Variants in TGM5 observed in about 807,000 individuals in gnomAD.
The protein encoded by TGM5 is protein-glutamine gamma-glutamyltransferase 5.
Under a neutral mutation model 77.2 loss-of-function variants are expected in TGM5, and 69 were observed. The observed-to-expected ratio is 0.89, with a 90% CI of 0.74 to 1.09. The LOEUF (loss-of-function observed/expected upper bound fraction) is 1.09. Ranked by LOEUF, TGM5 falls within the 50% of genes least tolerant of loss-of-function variation. The pLI is 0.00. For missense variants in TGM5, 842 were observed against 896.5 expected (o/e 0.94, Z 0.78); for synonymous variants, 346 against 351.8 (o/e 0.98, Z 0.18).
intron 6 of TGM5, among the ~76,000 whole-genome samples, chr15:43,247,160 A>G (rs1168993603): frequency 6.8e-6 from 1 of 147,668 alleles, no homozygotes; most frequent in Non-Finnish European, 1.5e-5. Context: ...CTCTGTCTCA[A>G]AAAAAAAAAA....
intron 9 of TGM5, among the ~76,000 whole-genome samples, chr15:43,238,556 G>A (rs773806270): frequency 7.9e-5 from 12 of 152,250 alleles, no homozygotes; most frequent in Non-Finnish European, 1.6e-4. Flanking sequence ...GGGGGAAGCA[G>A]GGGTGAAGTA....
intron 1 of TGM5, among the ~76,000 whole-genome samples, chr15:43,264,096 T>C (rs555462045): frequency 2.0e-5 from 3 of 152,096 alleles, no homozygotes; most frequent in Admixed American, 6.5e-5. Flanking sequence ...GAAACACAAA[T>C]GAGATACCAT....
At chr15:43,241,870 C>T (rs2042639404) in intron 6 of TGM5, among the ~76,000 whole-genome samples, 1 of 151,924 alleles carries the variant, frequency 6.6e-6, no homozygotes, top group Non-Finnish European at 1.5e-5. Flanking sequence ...GAACTCCTGA[C>T]CTCAAGTGAT....
intron 3 of TGM5, among the ~76,000 whole-genome samples, chr15:43,258,840 T>A (rs1162848322): frequency 1.3e-5 from 2 of 151,964 alleles, no homozygotes; most frequent in Non-Finnish European, 2.9e-5. Context: ...TTCTCCCCAC[T>A]GCTCAGAAGG....
At chr15:43,234,703 A>G (rs1469301876) in intron 11 of TGM5, 66 bp downstream of exon 11, 22 of 1,607,140 alleles carry the variant, frequency 1.4e-5, no homozygotes, top group Non-Finnish European at 1.9e-5. Context: ...GCCCTCTCAC[A>G]GGGCTTCACC....
intron 5 of TGM5, 90 bp from the exon 6 acceptor site, chr15:43,253,026 G>A (rs2042716917): frequency 1.4e-6 from 2 of 1,401,462 alleles, no homozygotes; most frequent in Non-Finnish European, 2.0e-6. Flanking sequence ...ATGGGCCTGA[G>A]AAACAGAGGA....
At chr15:43,257,445 G>A (rs1006967566) in intron 3 of TGM5, among the ~76,000 whole-genome samples, 5 of 152,220 alleles carry the variant, frequency 3.3e-5, no homozygotes, top group Non-Finnish European at 7.3e-5. Context: ...TGAACAGAGG[G>A]TTTTGAAGCC....
intron 4 of TGM5, among the ~76,000 whole-genome samples, chr15:43,255,665 C>T (rs945193385): frequency 6.6e-6 from 1 of 152,088 alleles, no homozygotes; most frequent in Non-Finnish European, 1.5e-5. Context: ...CCCAGGGTTT[C>T]CTAGCTGACA....
intron 7 of TGM5, among the ~76,000 whole-genome samples, chr15:43,240,597 T>G (rs904096988): frequency 6.6e-6 from 1 of 151,358 alleles, no homozygotes; most frequent in Non-Finnish European, 1.5e-5. Flanking sequence ...GATGAAAACC[T>G]CAACCCAGGG....
At chr15:43,251,969 T>C (rs1369198580) in intron 6 of TGM5, among the ~76,000 whole-genome samples, 4 of 152,232 alleles carry the variant, frequency 2.6e-5, no homozygotes, top group Admixed American at 2.6e-4. Flanking sequence ...CAACTCCAAA[T>C]TCAAGGTCAT....
At chr15:43,262,552 C>T (rs371692365) in intron 1 of TGM5, among the ~76,000 whole-genome samples, 7 of 151,668 alleles carry the variant, frequency 4.6e-5, no homozygotes, top group South Asian at 2.1e-4. Context: ...TTTGGGAGGC[C>T]GAGGCGGGTG....
intron 6 of TGM5, among the ~76,000 whole-genome samples, chr15:43,246,805 G>A (rs943443066): frequency 6.6e-6 from 1 of 152,170 alleles, no homozygotes. Context: ...GCCAGATAAA[G>A]CAATAGAGTG....
intron 6 of TGM5, among the ~76,000 whole-genome samples, chr15:43,245,903 G>T (rs915821373): frequency 1.3e-5 from 2 of 148,988 alleles, no homozygotes; most frequent in African/African-American, 4.9e-5. Context: ...GTGTGTTGGG[G>T]GGGGGGGTCT....
intron 1 of TGM5, 92 bp downstream of exon 1, chr15:43,266,748 T>A: frequency 6.6e-7 from 1 of 1,514,240 alleles, no homozygotes; most frequent in African/African-American, 1.4e-5. Context: ...CTTCTTTATT[T>A]CTCTGAATCC....
At chr15:43,258,546 T>C (rs569486512) in intron 3 of TGM5, among the ~76,000 whole-genome samples, 2 of 152,316 alleles carry the variant, frequency 1.3e-5, no homozygotes, top group African/African-American at 4.8e-5. Flanking sequence ...CACAGCCTGA[T>C]AGGAGGCTGG....
At chr15:43,261,074 GTGTTTTTTTTTT>G (rs2042784077) in intron 1 of TGM5, among the ~76,000 whole-genome samples, 1 of 73,868 alleles carries the variant, frequency 1.4e-5, no homozygotes, top group Non-Finnish European at 2.8e-5. Flanking sequence ...TTTTGTGTGT[GTGTTTTTTTTTT>G]TTTTTTTTTT....
At chr15:43,252,715 G>A (rs780888467) in intron 6 of TGM5, 44 bp downstream of exon 6, 8 of 1,606,704 alleles carry the variant, frequency 5.0e-6, no homozygotes, top group South Asian at 3.3e-5. Context: ...ATACATGAGC[G>A]GCTATACTTC....
Position 43,264,745 on chromosome 15 carries a change from T to C in TGM5, c.10+2095A>G, listed in dbSNP as rs542230808. ...TGAAAAACCACTGAATTGTGGACTT[T>C]ATAAAGCTGAACTTGATGGTATATG... On this transcript the variant is annotated intron_variant, in intron 1 of 12. Coordinates refer to ENST00000220420, the MANE Select transcript of TGM5 (RefSeq NM_201631.4). Among the ~76,000 whole-genome samples the C allele has an allele frequency of 4.6e-5, 7 of 152,354 alleles. No homozygotes were observed. In the East Asian group the frequency reaches 9.6e-4, roughly 21 times the overall value.
chr15:43,252,728 A>C, intron 6 of TGM5, 31 bp downstream of exon 6: 2 of 1,612,184 alleles, frequency 1.2e-6, no homozygotes, highest in Admixed American at 3.3e-5. Flanking sequence ...TATACTTCTG[A>C]CCTTTTTGTG....
Sources: allele counts gnomAD v4.1 joint callset (sites outside exome capture counted in the v4.1 genomes callset), GRCh38; gene constraint gnomAD v4.1.1; transcripts MANE v1.5; gene names NCBI Gene and HGNC (gene_info 2026-07-23, HGNC 2026-07-21).